ARB2A: variants seen among roughly 807,000 people sequenced by gnomAD.
The protein encoded by ARB2A is ARB2 cotranscriptional regulator A, also known as cotranscriptional regulator ARB2A.
the ARB2A span, among the ~76,000 whole-genome samples, chr5:93,749,919 C>T: frequency 6.6e-6 from 1 of 152,094 alleles, no homozygotes; most frequent in Non-Finnish European, 1.5e-5. Context: ...CTCAGAAGCC[C>T]TTTATTTCCT....
the ARB2A span, among the ~76,000 whole-genome samples, chr5:93,772,685 G>T: frequency 6.6e-6 from 1 of 152,130 alleles, no homozygotes; most frequent in East Asian, 1.9e-4. Flanking sequence ...ATCTCAAAGA[G>T]CTCAACTGGG....
chr5:93,802,178 T>C, the ARB2A span, among the ~76,000 whole-genome samples: 3 of 152,078 alleles, frequency 2.0e-5, no homozygotes, highest in African/African-American at 7.2e-5. Context: ...CTGATAAATC[T>C]TATAAGAAAA....
At chr5:93,699,541 G>A in the ARB2A span, among the ~76,000 whole-genome samples, 1 of 151,928 alleles carries the variant, frequency 6.6e-6, no homozygotes, top group African/African-American at 2.4e-5. Flanking sequence ...TGACAGTTTC[G>A]ATAAGTGGAG....
At chr5:93,809,761 T>C in the ARB2A span, among the ~76,000 whole-genome samples, 3 of 152,158 alleles carry the variant, frequency 2.0e-5, no homozygotes, top group Non-Finnish European at 4.4e-5. Flanking sequence ...ATTTCAAATA[T>C]AGGAATTTTG....
chr5:93,827,866 T>C, the ARB2A span, among the ~76,000 whole-genome samples: 3 of 152,118 alleles, frequency 2.0e-5, no homozygotes, highest in African/African-American at 7.2e-5. Context: ...CCTTTCCCCA[T>C]TGCTTGTTTT....
the ARB2A span, among the ~76,000 whole-genome samples, chr5:93,924,994 GACTA>G: frequency 1.3e-5 from 2 of 151,922 alleles, no homozygotes; most frequent in African/African-American, 4.8e-5. Flanking sequence ...TGTTTCTCCT[GACTA>G]ACTACCACCT....
chr5:93,864,249 T>G, the ARB2A span, among the ~76,000 whole-genome samples: 14 of 152,178 alleles, frequency 9.2e-5, no homozygotes, highest in African/African-American at 3.1e-4. Context: ...ATTACATTAT[T>G]TCTCCTAAAC....
chr5:94,099,297 TC>T, the ARB2A span, among the ~76,000 whole-genome samples: 1 of 152,076 alleles, frequency 6.6e-6, no homozygotes, highest in African/African-American at 2.4e-5. Flanking sequence ...GGAGGCTTCA[TC>T]CCCAGGATGC....
At chr5:93,789,041 G>A in the ARB2A span, among the ~76,000 whole-genome samples, 1 of 152,128 alleles carries the variant, frequency 6.6e-6, no homozygotes, top group Non-Finnish European at 1.5e-5. Context: ...GTGTGGGTTG[G>A]GGTAGGGATG....
chr5:93,957,982 AATCT>A, the ARB2A span, among the ~76,000 whole-genome samples: 1 of 152,002 alleles, frequency 6.6e-6, no homozygotes, highest in Admixed American at 6.5e-5. Context: ...CTAAAAAAAA[AATCT>A]ACTCATGTGA....
the ARB2A span, among the ~76,000 whole-genome samples, chr5:94,072,371 C>CAT: frequency 3.3e-5 from 5 of 152,172 alleles, no homozygotes; most frequent in African/African-American, 1.2e-4. Context: ...CACACACACA[C>CAT]ACACAAATTA....
the ARB2A span, among the ~76,000 whole-genome samples, chr5:94,000,860 T>C: frequency 1.3e-5 from 2 of 152,112 alleles, no homozygotes; most frequent in Non-Finnish European, 2.9e-5. Context: ...ATTCGGTTTT[T>C]TGCATGTGAA....
the ARB2A span, among the ~76,000 whole-genome samples, chr5:93,645,148 C>T: frequency 2.6e-5 from 4 of 152,200 alleles, no homozygotes; most frequent in African/African-American, 7.2e-5. Context: ...TAGACTAACA[C>T]AGAAGGCAAC....
chr5:93,695,708 T>A, the ARB2A span, among the ~76,000 whole-genome samples: 2 of 152,090 alleles, frequency 1.3e-5, no homozygotes, highest in Non-Finnish European at 2.9e-5. Context: ...GGATTATAAA[T>A]CATTCTACCA....
At chr5:93,921,377 G>A in the ARB2A span, among the ~76,000 whole-genome samples, 9 of 152,098 alleles carry the variant, frequency 5.9e-5, no homozygotes, top group Non-Finnish European at 1.0e-4. Flanking sequence ...GAAGGTGAAG[G>A]ATCTAAAGCT....
the ARB2A span, among the ~76,000 whole-genome samples, chr5:93,915,661 C>A: frequency 1.3e-5 from 2 of 151,810 alleles, no homozygotes; most frequent in African/African-American, 4.8e-5. Flanking sequence ...ATCTGAGAAC[C>A]ACTAATATAG....
At chr5:93,877,486 T>C in the ARB2A span, among the ~76,000 whole-genome samples, 27 of 152,214 alleles carry the variant, frequency 1.8e-4, no homozygotes, top group Middle Eastern at 0.014. Context: ...CCTCATAATA[T>C]GCTCTGTACT....
the ARB2A span, among the ~76,000 whole-genome samples, chr5:93,830,311 G>GTGTATGTGTGTGTATGTATATATA: frequency 1.2e-5 from 1 of 82,260 alleles, no homozygotes; most frequent in African/African-American, 5.2e-5. Flanking sequence ...GTGTGTGTGT[G>GTGTATGTGTGTGTATGTATATATA]TATATATATA....
chr5:93,963,421 A>G, the ARB2A span, among the ~76,000 whole-genome samples: 1 of 152,006 alleles, frequency 6.6e-6, no homozygotes, highest in Non-Finnish European at 1.5e-5. Flanking sequence ...TCACCTAAAA[A>G]ACATTTAAAT....
Sources: gnomAD v4.1 joint callset for allele counts (sites outside exome capture counted in the v4.1 genomes callset) on GRCh38, gnomAD v4.1.1 for gene constraint, MANE v1.5 for transcripts, NCBI Gene and HGNC (gene_info 2026-07-23, HGNC 2026-07-21) for gene names.